Variants in TSPAN18 observed in about 807,000 individuals in gnomAD.
TSPAN18 encodes tetraspanin-18.
TSPAN18 carries 14 observed loss-of-function variants against 27.3 expected under a neutral mutation model. The ratio of observed to expected loss-of-function variants is 0.51; its 90% CI spans 0.34 to 0.80. TSPAN18 has a LOEUF of 0.80. Among genes scored for constraint, TSPAN18 ranks in the 30% least tolerant of loss-of-function variants. The pLI is 0.01. For missense variants in TSPAN18, 268 were observed against 323.9 expected (o/e 0.83, Z 1.32); for synonymous variants, 143 against 136.5 (o/e 1.05, Z -0.33).
intron 2 of TSPAN18, among the ~76,000 whole-genome samples, chr11:44,799,708 A>T (rs997689379): frequency 3.9e-5 from 6 of 152,248 alleles, no homozygotes; most frequent in Non-Finnish European, 8.8e-5. Context: ...AAACTGAGGC[A>T]TGAGGAGTGA....
intron 2 of TSPAN18, among the ~76,000 whole-genome samples, chr11:44,783,542 A>G (rs1015308191): frequency 4.6e-5 from 7 of 151,646 alleles, no homozygotes; most frequent in Non-Finnish European, 8.8e-5. Context: ...GGGACTATAG[A>G]CACGTACCAC....
At chr11:44,801,926 G>C (rs1856489735) in intron 2 of TSPAN18, among the ~76,000 whole-genome samples, 1 of 152,152 alleles carries the variant, frequency 6.6e-6, no homozygotes, top group Admixed American at 6.5e-5. Flanking sequence ...CAGCTACTCG[G>C]AAGGCTGAGG....
rs545562181 is a variant in TSPAN18, at chr11:44,828,327, AAAC to A, written c.-152-31989_-152-31987del. ...CTGCATTAAAAATGGTTTTTTAATT[AAAC>A]AACAACAACAAAAAAAAAGCTGGCA... On this transcript the variant is annotated intron_variant, in intron 2 of 9. Coordinates refer to ENST00000520358, the MANE Select transcript of TSPAN18 (RefSeq NM_130783.5). 4.5e-3 allele frequency among the ~76,000 whole-genome samples: 678 copies of A among 152,230 alleles called. 3 individuals carry two copies. The highest frequency in any genetic ancestry group is 0.016 in the African/African-American group (646 of 41,542).
At chr11:44,811,125 AAC>A (rs61153202) in intron 2 of TSPAN18, among the ~76,000 whole-genome samples, 13,389 of 142,190 alleles carry the variant, frequency 0.094, 607 homozygotes, top group African/African-American at 0.11. Flanking sequence ...CTGGAGTTTT[AAC>A]ACACACACAC....
intron 1 of TSPAN18, among the ~76,000 whole-genome samples, chr11:44,763,980 G>A (rs715060): frequency 1.3e-5 from 2 of 152,212 alleles, no homozygotes; most frequent in African/African-American, 4.8e-5. Flanking sequence ...TTCTGAAGAG[G>A]CCTCAGGAAA....
intron 3 of TSPAN18, among the ~76,000 whole-genome samples, chr11:44,869,862 G>C (rs900955531): frequency 7.2e-5 from 11 of 152,238 alleles, no homozygotes; most frequent in African/African-American, 2.6e-4. Flanking sequence ...TGGGGTGGGT[G>C]GGCAGGCAGC....
chr11:44,894,017 G>C (rs1157738438), intron 3 of TSPAN18, among the ~76,000 whole-genome samples: 2 of 152,204 alleles, frequency 1.3e-5, no homozygotes, highest in Non-Finnish European at 2.9e-5. Flanking sequence ...ACTTGAGTGA[G>C]TCCTTGAGGA....
At chr11:44,857,333 G>A (rs1160334321) in intron 2 of TSPAN18, among the ~76,000 whole-genome samples, 49 of 152,346 alleles carry the variant, frequency 3.2e-4, no homozygotes, top group Non-Finnish European at 1.5e-5. Flanking sequence ...TCAGAGAGGT[G>A]GGTTGCCTGT....
At chr11:44,896,781 T>C (rs1565196836) in intron 3 of TSPAN18, among the ~76,000 whole-genome samples, 1 of 151,772 alleles carries the variant, frequency 6.6e-6, no homozygotes, top group African/African-American at 2.4e-5. Context: ...TCCTCCACGC[T>C]GCCACCACCA....
intron 3 of TSPAN18, among the ~76,000 whole-genome samples, chr11:44,894,087 G>A (rs560019042): frequency 6.6e-6 from 1 of 152,196 alleles, no homozygotes; most frequent in Non-Finnish European, 1.5e-5. Flanking sequence ...GTTGGTGCCG[G>A]GAGCGCAGGA....
chr11:44,904,812 C>T (rs200152497), intron 3 of TSPAN18, among the ~76,000 whole-genome samples: 4 of 151,882 alleles, frequency 2.6e-5, no homozygotes, highest in Non-Finnish European at 4.4e-5. Flanking sequence ...TGGTTTTGGG[C>T]GAGGGCGAGG....
intron 2 of TSPAN18, among the ~76,000 whole-genome samples, chr11:44,781,101 A>G (rs1044883012): frequency 3.3e-5 from 5 of 152,240 alleles, no homozygotes; most frequent in Admixed American, 6.5e-5. Flanking sequence ...GCAGCCAGGA[A>G]CTGGTGGCTT....
intron 2 of TSPAN18, among the ~76,000 whole-genome samples, chr11:44,829,797 C>G (rs1246361521): frequency 6.6e-6 from 1 of 152,142 alleles, no homozygotes; most frequent in Non-Finnish European, 1.5e-5. Flanking sequence ...TTGCACTCCC[C>G]CCAGCAATGA....
chr11:44,871,352 T>G (rs972481057), intron 3 of TSPAN18, among the ~76,000 whole-genome samples: 2 of 152,298 alleles, frequency 1.3e-5, no homozygotes, highest in Admixed American at 6.5e-5. Context: ...TCTTTTCTTA[T>G]AAGGGCACTA....
intron 8 of TSPAN18, among the ~76,000 whole-genome samples, chr11:44,924,007 G>C (rs186212329): frequency 6.6e-6 from 1 of 152,088 alleles, no homozygotes; most frequent in East Asian, 1.9e-4. Context: ...CAAGGTCCCC[G>C]GCTTCTTGCC....
At position 44,763,799 on chromosome 11, in the gene TSPAN18, G is replaced by A. The variant is rs186782167; in HGVS notation, c.-239-627G>A. ...GCCCCCATTCACAGGCTCTGGGGAC[G>A]CTATCCTGGGAAGCTTTGTGGGGCT... On this transcript the variant is annotated intron_variant, in intron 1 of 9. Transcript: ENST00000520358. 2.2e-3 allele frequency among the ~76,000 whole-genome samples: 328 copies of A among 152,256 alleles called. 1 individual carries two copies. The highest frequency in any genetic ancestry group is 6.9e-3 in the African/African-American group (285 of 41,540).
chr11:44,926,012 T>C (rs1216491953), intron 8 of TSPAN18, among the ~76,000 whole-genome samples: 1 of 152,142 alleles, frequency 6.6e-6, no homozygotes, highest in Non-Finnish European at 1.5e-5. Context: ...TATGTATCTC[T>C]AGGATTGCTT....
chr11:44,887,196 C>T (rs1441027140), intron 3 of TSPAN18, among the ~76,000 whole-genome samples: 1 of 152,240 alleles, frequency 6.6e-6, no homozygotes, highest in African/African-American at 2.4e-5. Context: ...GCCCCTGCCC[C>T]ATGCCCCAAC....
In TSPAN18 at chr11:44,929,048, T is replaced by G. The variant is rs1306248877; in HGVS notation, c.700-83T>G. ...TGTGCTAAGAGTGACAGGCATTCAC[T>G]CCCCTTCCCCTGGAGTGGGCCAGGC... is the stretch of plus-strand genomic sequence containing the variant. On this transcript the variant is annotated intron_variant, in intron 9 of 9. Transcript: ENST00000520358. 5 of 1,561,894 alleles carry G rather than the reference T, an allele frequency of 3.2e-6. No individual in the cohort carries two copies. The Admixed American group carries it at 8.4e-5, about 26-fold the overall frequency.
Sources: gnomAD v4.1 joint callset for allele counts (sites outside exome capture counted in the v4.1 genomes callset) on GRCh38, gnomAD v4.1.1 for gene constraint, MANE v1.5 for transcripts, NCBI Gene and HGNC (gene_info 2026-07-23, HGNC 2026-07-21) for gene names.